RNPS1: variants seen among roughly 807,000 people sequenced by gnomAD.
RNPS1 encodes RNA binding protein with serine rich domain 1, also known as RNA-binding protein with serine-rich domain 1.
For synonymous variants in RNPS1, 147 were observed against 150.0 expected, an observed-to-expected ratio of 0.98 and a Z score of 0.15; for missense variants, 300 against 427.6, an observed-to-expected ratio of 0.70 and a Z score of 2.63.
chr16:2,253,732 C>T lies in RNPS1; in HGVS notation c.*232G>A, dbSNP rs912537230. On this transcript the variant is annotated 3_prime_UTR_variant, in exon 8 of 8. Coordinates refer to ENST00000320225, the MANE Select transcript of RNPS1 (RefSeq NM_080594.4). ...TGAACTGACTCTTAGAAACCGGAAACGGATGAGCTTTCTAGCCAGAAAACC... is the reference window on the plus strand; with the variant it reads ...TGAACTGACTCTTAGAAACCGGAAATGGATGAGCTTTCTAGCCAGAAAACC... The T allele has an allele frequency of 1.1e-4, 69 of 643,624 alleles. No individual in the cohort carries two copies. The highest frequency in any genetic ancestry group is 5.4e-4 in the Admixed American group (22 of 40,984). The allele number at this position is 643,624 out of a possible 1,614,324, so 39.9% of individuals were successfully genotyped here. A position where few individuals can be genotyped will look rare whatever the true frequency, so the allele number is the denominator to read the frequency against.
At chr16:2,267,775 GCT>G in intron 1 of RNPS1, 2 of 1,366,308 alleles carry the variant, frequency 1.5e-6, no homozygotes, top group Non-Finnish European at 1.9e-6. Flanking sequence ...CGCGCTCCCC[GCT>G]GGTCTGAGTC....
intron 1 of RNPS1, chr16:2,267,445 C>A: frequency 1.0e-6 from 1 of 968,330 alleles, no homozygotes; most frequent in Non-Finnish European, 1.2e-6. Context: ...AAACTGAGCT[C>A]GGCCACCGTG....
chr16:2,262,230 CGGCGGCGG>C, intron 6 of RNPS1, 40 bp downstream of exon 6: 1 of 1,573,886 alleles, frequency 6.4e-7, no homozygotes, highest in Non-Finnish European at 8.7e-7. Flanking sequence ...AAGCCCCTCG[CGGCGGCGG>C]GTCTCTGAGA....
intron 1 of RNPS1, chr16:2,267,518 G>C (rs1451345754): frequency 4.1e-5 from 42 of 1,014,730 alleles, no homozygotes; most frequent in Non-Finnish European, 4.7e-5. Context: ...GGGAGTCCGG[G>C]AAACGTTCGC....
intron 7 of RNPS1, among the ~76,000 whole-genome samples, chr16:2,254,380 G>C (rs918287456): frequency 6.6e-6 from 1 of 152,098 alleles, no homozygotes; most frequent in Non-Finnish European, 1.5e-5. Context: ...CGCAATCTCG[G>C]CCTCCCAGGT....
In RNPS1 at chr16:2,262,260, T is replaced by C. The variant is rs772182921; in HGVS notation, c.676+18A>G. 7 of 1,611,294 alleles carry C rather than the reference T, an allele frequency of 4.3e-6. No homozygotes were observed. The highest frequency in any genetic ancestry group is 3.3e-5 in the South Asian group (3 of 90,970). On this transcript the variant is annotated intron_variant, in intron 6 of 7. Coordinates refer to ENST00000320225, the MANE Select transcript of RNPS1 (RefSeq NM_080594.4). ...GCGGGTCTCTGAGAGGTCAGGGTTA[T>C]GTGGCAGGGTCACCCACCTCCATCC...
At chr16:2,255,454 G>A in intron 7 of RNPS1, 131 bp downstream of exon 7, 2 of 1,091,876 alleles carry the variant, frequency 1.8e-6, no homozygotes, top group Non-Finnish European at 1.3e-6. Context: ...CATGAGCTCT[G>A]AAGGGCTCCT....
chr16:2,267,724 T>G, intron 1 of RNPS1: 4 of 1,266,454 alleles, frequency 3.2e-6, no homozygotes, highest in Admixed American at 4.6e-5. Context: ...CGTTGGGGGC[T>G]TGGGTCTCCG....
At chr16:2,263,417 G>T in intron 3 of RNPS1, 130 bp from the exon 4 acceptor site, 1 of 840,860 alleles carries the variant, frequency 1.2e-6, no homozygotes, top group Non-Finnish European at 1.9e-6. Flanking sequence ...ACTGCTTTCA[G>T]CAGTGGGGAA....
chr16:2,264,435 G>C, intron 2 of RNPS1, 104 bp from the exon 3 acceptor site: 1 of 1,562,948 alleles, frequency 6.4e-7, no homozygotes, highest in African/African-American at 1.4e-5. Flanking sequence ...AGAGACCCGA[G>C]GTGACCACAG....
intron 5 of RNPS1, 38 bp from the exon 6 acceptor site, chr16:2,262,469 C>A (rs368820224): frequency 3.1e-6 from 5 of 1,611,148 alleles, no homozygotes; most frequent in Non-Finnish European, 4.2e-6. Context: ...GCCCAGCTAC[C>A]AGTCAGTCAC....
intron 6 of RNPS1, among the ~76,000 whole-genome samples, chr16:2,261,078 C>T (rs914207434): frequency 1.3e-5 from 2 of 151,132 alleles, no homozygotes; most frequent in South Asian, 2.1e-4. Flanking sequence ...TGCAGTGGGC[C>T]GAGGTGGTGC....
intron 1 of RNPS1, chr16:2,267,741 C>T: frequency 2.3e-6 from 3 of 1,293,210 alleles, no homozygotes; most frequent in Non-Finnish European, 2.9e-6. Context: ...TCCGGCCCGG[C>T]GGGAGGGCCC....
Position 2,264,228 on chromosome 16 carries a change from G to T in RNPS1, c.175C>A (p.Arg59=). The T allele has an allele frequency of 1.2e-6, 2 of 1,614,006 alleles. No homozygotes were observed. Among genetic ancestry groups the T allele is most frequent in the South Asian group, 1.1e-5 (1 of 91,070 alleles). The change falls in exon 3 of 8, where the codon CGG becomes AGG. Residue 59 remains arginine, a synonymous_variant. Coordinates refer to ENST00000320225, the MANE Select transcript of RNPS1 (RefSeq NM_080594.4). ...CTGCGCCTCTTTCGGGTTTTGTCCC[G>T]GCCGCGATCCTTCTCACTCGACTCC... The part of the protein sequence containing the change: ...TKESSEKDRG[R]DKTRKRRSAS...
chr16:2,261,513 A>G (rs1270984468), intron 6 of RNPS1, among the ~76,000 whole-genome samples: 2 of 152,238 alleles, frequency 1.3e-5, no homozygotes, highest in East Asian at 1.9e-4. Context: ...ATACATATAC[A>G]TGCATGATAA....
chr16:2,262,596 C>CCA, intron 5 of RNPS1, 144 bp downstream of exon 5: 4 of 935,048 alleles, frequency 4.3e-6, no homozygotes, highest in Non-Finnish European at 6.5e-6. Flanking sequence ...TATTAATGGT[C>CCA]CACCAAGAGG....
Position 2,253,922 on chromosome 16 carries a change from G to A in RNPS1, c.*42C>T, listed in dbSNP as rs753890351. On this transcript the variant is annotated 3_prime_UTR_variant, in exon 8 of 8. Transcript: ENST00000320225. ...CTAGAAAAGTGACAAAACTGAGCTGGGTGGGGTATAAGTTACAGGGGCGAG... is the reference window on the plus strand; with the variant it reads ...CTAGAAAAGTGACAAAACTGAGCTGAGTGGGGTATAAGTTACAGGGGCGAG... 8.0e-6 allele frequency: 12 copies of A among 1,499,008 alleles called. No homozygotes were observed. In the South Asian group the frequency reaches 1.3e-4, roughly 17 times the overall value. 92.9% of individuals were successfully genotyped at this position (1,499,008 alleles called of 1,614,324 possible).
At chr16:2,263,621 G>A (rs1163095540) in intron 3 of RNPS1, among the ~76,000 whole-genome samples, 4 of 152,162 alleles carry the variant, frequency 2.6e-5, no homozygotes, top group African/African-American at 9.7e-5. Flanking sequence ...CCCAGGCTAG[G>A]TTGATTTTTT....
At chr16:2,260,752 A>C (rs776308478) in intron 6 of RNPS1, among the ~76,000 whole-genome samples, 38 of 152,276 alleles carry the variant, frequency 2.5e-4, no homozygotes, top group Non-Finnish European at 4.8e-4. Context: ...ACAAATAATT[A>C]AGCCAAATAT....
Sources: allele counts gnomAD v4.1 joint callset (sites outside exome capture counted in the v4.1 genomes callset), GRCh38; gene constraint gnomAD v4.1.1; transcripts MANE v1.5; gene names NCBI Gene and HGNC (gene_info 2026-07-23, HGNC 2026-07-21).